The following MTAP variants were observed in gnomAD, a reference collection of about 807,000 sequenced individuals.
The protein encoded by MTAP is methylthioadenosine phosphorylase.
A neutral mutation model predicts 33.6 loss-of-function variants in MTAP; 33 were observed. The ratio of observed to expected loss-of-function variants is 0.98; its 90% CI spans 0.74 to 1.31. The LOEUF (loss-of-function observed/expected upper bound fraction) is 1.31, where lower values mean the gene tolerates loss of function less well. MTAP is among the 40% of genes most tolerant of loss of function. MTAP has a pLI of 0.00. For missense variants in MTAP, 367 were observed against 360.0 expected (o/e 1.02, Z -0.16); for synonymous variants, 148 against 125.7 (o/e 1.18, Z -1.19).
chr9:21,901,666 A>G (rs889029389), intron 1 of MTAP, among the ~76,000 whole-genome samples: 3 of 152,318 alleles, frequency 2.0e-5, no homozygotes, highest in South Asian at 4.1e-4. Flanking sequence ...AAAGGTTAGT[A>G]GCAGCTATAA....
intron 5 of MTAP, among the ~76,000 whole-genome samples, chr9:21,840,444 A>C (rs1437933951): frequency 6.6e-6 from 1 of 152,196 alleles, no homozygotes; most frequent in African/African-American, 2.4e-5. Context: ...AGTCGGGGAG[A>C]ACCTACCTCT....
intron 1 of MTAP, among the ~76,000 whole-genome samples, chr9:21,926,572 A>G (rs1374582747): frequency 2.0e-5 from 3 of 152,206 alleles, no homozygotes; most frequent in Non-Finnish European, 4.4e-5. Flanking sequence ...ATGAAAAAGG[A>G]AGGAGTCTAC....
intron 5 of MTAP, among the ~76,000 whole-genome samples, chr9:21,849,700 C>T (rs779461767): frequency 1.2e-4 from 18 of 152,210 alleles, no homozygotes; most frequent in African/African-American, 2.4e-4. Flanking sequence ...ACTTGAAAGA[C>T]GCAGGGATGG....
At chr9:21,852,373 T>A (rs1395763557) in intron 5 of MTAP, among the ~76,000 whole-genome samples, 1 of 151,874 alleles carries the variant, frequency 6.6e-6, no homozygotes, top group Non-Finnish European at 1.5e-5. Flanking sequence ...TAGCTGGCCG[T>A]GGTGGCGGGT....
chr9:21,897,505 C>G (rs1236082622), intron 1 of MTAP, among the ~76,000 whole-genome samples: 1 of 152,174 alleles, frequency 6.6e-6, no homozygotes, highest in East Asian at 1.9e-4. Flanking sequence ...CCAAAATCTC[C>G]TTAAGCTGAT....
At chr9:21,875,123 G>A (rs762002487) in intron 1 of MTAP, among the ~76,000 whole-genome samples, 1 of 152,132 alleles carries the variant, frequency 6.6e-6, no homozygotes, top group Non-Finnish European at 1.5e-5. Flanking sequence ...CTTGTGAATA[G>A]TGCCGCAATA....
At chr9:21,937,685 A>T (rs1217745719), downstream of MTAP, 1 of 152,216 alleles carries the variant, frequency 6.6e-6, no homozygotes, top group South Asian at 2.1e-4. Flanking sequence ...GTGTCTTCAC[A>T]GTGACTTTTG....
intron 1 of MTAP, among the ~76,000 whole-genome samples, chr9:21,879,229 G>A (rs1817956619): frequency 6.6e-6 from 1 of 152,082 alleles, no homozygotes; most frequent in Admixed American, 6.6e-5. Flanking sequence ...ATGAATCTAG[G>A]TGCTCCTGTG....
At chr9:21,896,038 G>T (rs894017156) in intron 1 of MTAP, among the ~76,000 whole-genome samples, 3 of 152,152 alleles carry the variant, frequency 2.0e-5, no homozygotes. Context: ...AAATGTAAAA[G>T]AACAGAAATT....
intron 5 of MTAP, among the ~76,000 whole-genome samples, chr9:21,845,161 A>G (rs1189520557): frequency 6.6e-6 from 1 of 152,218 alleles, no homozygotes; most frequent in Non-Finnish European, 1.5e-5. Context: ...TGTTCAACAT[A>G]ATACAGGATG....
At chr9:21,879,118 T>C (rs1374073469) in intron 1 of MTAP, among the ~76,000 whole-genome samples, 14 of 152,132 alleles carry the variant, frequency 9.2e-5, no homozygotes, top group African/African-American at 3.4e-4. Context: ...TTTGTTAATT[T>C]TCTTCCTTGA....
At position 21,864,758 on chromosome 9, in the gene MTAP, C is replaced by G; in HGVS notation, c.*2744C>G. The G allele has an allele frequency of 1.0e-6, 1 of 985,400 alleles. No homozygotes were observed. The highest frequency in any genetic ancestry group is 1.2e-6 in the Non-Finnish European group (1 of 829,972). The allele number at this position is 985,400 out of a possible 1,614,324, so 61.0% of individuals were successfully genotyped here. A position where few individuals can be genotyped will look rare whatever the true frequency, so the allele number is the denominator to read the frequency against. Reference sequence around the variant, plus strand: ...GTGAACTTCCTTGAAGAGGGAGTGACTAAGGTGACCTCCAACCTGCCCTGA... The same window carrying G: ...GTGAACTTCCTTGAAGAGGGAGTGAGTAAGGTGACCTCCAACCTGCCCTGA... On this transcript the variant is annotated 3_prime_UTR_variant, in exon 8 of 8. Transcript: ENST00000644715.
rs1424734591 is a variant in MTAP, at chr9:21,818,089, C to G, written c.234C>G (p.Ile78Met). ...CAAAGGTCAACTACCAGGCGAACAT[C>G]TGGGCTTTGAAGGAAGAGGGCTGTA... is the stretch of plus-strand genomic sequence containing the variant. ...MPSKVNYQAN[I>M]WALKEEGCTH... The change falls in exon 4 of 8, where the codon ATC becomes ATG. Residue 78 changes from isoleucine (I) to methionine (M), a missense_variant. Physicochemically the swap from Ile to Met is conservative, Grantham distance 10. Coordinates refer to ENST00000644715, the MANE Select transcript of MTAP (RefSeq NM_002451.4). 1.2e-6 allele frequency: 2 copies of G among 1,613,828 alleles called. No homozygotes were observed. Among genetic ancestry groups the G allele is most frequent in the South Asian group, 1.1e-5 (1 of 90,968 alleles).
At chr9:21,873,876 T>G (rs1825969707) in intron 1 of MTAP, among the ~76,000 whole-genome samples, 1 of 152,130 alleles carries the variant, frequency 6.6e-6, no homozygotes, top group African/African-American at 2.4e-5. Context: ...AAAGGACATG[T>G]TCTTGGTTTA....
chr9:21,811,933 A>AGTAGCT (rs1488093310), intron 1 of MTAP: 2 of 334,394 alleles, frequency 6.0e-6, no homozygotes. Context: ...CAACCAACAA[A>AGTAGCT]GTAGCTGCTG....
chr9:21,813,405 C>A (rs1824400288), intron 1 of MTAP, among the ~76,000 whole-genome samples: 1 of 152,328 alleles, frequency 6.6e-6, no homozygotes, highest in African/African-American at 2.4e-5. Context: ...GCTGAGTTGC[C>A]AGCTACCTGG....
intron 1 of MTAP, among the ~76,000 whole-genome samples, chr9:21,914,453 A>T (rs570966497): frequency 6.6e-6 from 1 of 152,242 alleles, no homozygotes; most frequent in East Asian, 1.9e-4. Context: ...ATGCAGCCAT[A>T]AAAAAGGATG....
rs1247381331 is a variant in MTAP, at chr9:21,837,966, T to A, written c.406T>A (p.Cys136Ser). The change falls in exon 5 of 8, where the codon TGC becomes AGC. Residue 136 changes from cysteine (C) to serine (S), a missense_variant. Coordinates refer to ENST00000644715, the MANE Select transcript of MTAP (RefSeq NM_002451.4). The stretch of plus-strand genomic sequence containing the variant: ...AAGTCATTCTTGTGCCAGAGGAGTG[T>A]GCCATATTCCAATGGCTGAGCCGTT... ...DGSHSCARGV[C>S]HIPMAEPFCP... 1.2e-6 allele frequency: 2 copies of A among 1,614,150 alleles called. No individual in the cohort carries two copies. The highest frequency in any genetic ancestry group is 1.7e-6 in the Non-Finnish European group (2 of 1,180,000).
chr9:21,802,669 G>C lies in MTAP; in HGVS notation c.-80G>C, dbSNP rs1340953046. On this transcript the variant is annotated 5_prime_UTR_variant, in exon 1 of 8. Coordinates refer to ENST00000644715, the MANE Select transcript of MTAP (RefSeq NM_002451.4). ...TGCTCACTCCCGCGCAGTGAGGTTGGCACAGCCACCGCTCTGTGGCTCGCT... is the reference window on the plus strand; with the variant it reads ...TGCTCACTCCCGCGCAGTGAGGTTGCCACAGCCACCGCTCTGTGGCTCGCT... 7.0e-5 allele frequency: 108 copies of C among 1,550,500 alleles called. No homozygotes were observed. The Admixed American group carries it at 1.9e-3, about 27-fold the overall frequency.
Sources: allele counts gnomAD v4.1 joint callset (sites outside exome capture counted in the v4.1 genomes callset), GRCh38; gene constraint gnomAD v4.1.1; transcripts MANE v1.5; gene names NCBI Gene and HGNC (gene_info 2026-07-23, HGNC 2026-07-21).